The following ACAD9 variants were observed in gnomAD, a reference collection of about 807,000 sequenced individuals.
ACAD9 encodes complex I assembly factor ACAD9, mitochondrial.
A neutral mutation model predicts 70.2 loss-of-function variants in ACAD9; 53 were observed. The ratio of observed to expected loss-of-function variants is 0.75; its 90% CI spans 0.61 to 0.95. The LOEUF (loss-of-function observed/expected upper bound fraction) is 0.95, where lower values mean the gene tolerates loss of function less well. ACAD9 is among the 40% of genes least tolerant of loss of function. The probability of loss-of-function intolerance (pLI) is 0.00; values close to 1 mark genes in which losing one functional copy is unlikely to be tolerated. For missense variants in ACAD9, 777 were observed against 802.8 expected (o/e 0.97, Z 0.39); for synonymous variants, 313 against 312.1 (o/e 1.00, Z -0.03).
At chr3:128,887,634 A>AAATAAAT (rs1559819571) in intron 2 of ACAD9, among the ~76,000 whole-genome samples, 1 of 134,314 alleles carries the variant, frequency 7.4e-6, no homozygotes, top group African/African-American at 2.9e-5. Flanking sequence ...TAAAAATAAA[A>AAATAAAT]AAATAAATAA....
intron 6 of ACAD9, among the ~76,000 whole-genome samples, chr3:128,898,972 T>G (rs1935650443): frequency 6.6e-6 from 1 of 152,240 alleles, no homozygotes; most frequent in Non-Finnish European, 1.5e-5. Flanking sequence ...TAAGAAATGA[T>G]TAAACCCTTT....
At chr3:128,894,524 G>A (rs1011914584) in intron 3 of ACAD9, among the ~76,000 whole-genome samples, 3 of 150,400 alleles carry the variant, frequency 2.0e-5, no homozygotes, top group African/African-American at 7.3e-5. Context: ...TGAGGCACAA[G>A]ATTGCGAGCT....
At chr3:128,883,365 T>G (rs1160949772) in intron 1 of ACAD9, among the ~76,000 whole-genome samples, 1 of 151,906 alleles carries the variant, frequency 6.6e-6, no homozygotes, top group Non-Finnish European at 1.5e-5. Context: ...TTCTTTTTCT[T>G]TTCTTTTTTT....
chr3:128,882,491 G>A (rs1935123838), intron 1 of ACAD9, among the ~76,000 whole-genome samples: 1 of 152,202 alleles, frequency 6.6e-6, no homozygotes, highest in Non-Finnish European at 1.5e-5. Flanking sequence ...TCAGGCCAGT[G>A]TCATCTCTCA....
rs372219669 is a variant in ACAD9 at position 128,901,215 on chromosome 3, G to A, written c.809-61G>A. On this transcript the variant is annotated intron_variant, in intron 7 of 17. Transcript: ENST00000308982. ...GGATGGATGGATGAATTGCCTGCTT[G>A]CAGGTCAGATGCAGAGTGGTTTGCA... is the stretch of plus-strand genomic sequence containing the variant. 7 of 1,480,318 alleles carry A rather than the reference G, an allele frequency of 4.7e-6. No individual in the cohort carries two copies. In the East Asian group the frequency reaches 9.1e-5, roughly 19 times the overall value. 91.7% of individuals were successfully genotyped at this position (1,480,318 alleles called of 1,614,324 possible).
chr3:128,892,071 TA>T (rs1437480386), intron 2 of ACAD9, among the ~76,000 whole-genome samples: 2 of 152,214 alleles, frequency 1.3e-5, no homozygotes, highest in Non-Finnish European at 1.5e-5. Context: ...TTCATTTATA[TA>T]AAACTTGAAG....
chr3:128,912,904 C>T lies in ACAD9; in HGVS notation c.*297C>T, dbSNP rs1200091367. On this transcript the variant is annotated 3_prime_UTR_variant, in exon 18 of 18. Transcript: ENST00000308982. ...CATTGAGGAGACACCATAGTGGAAACTGGGGCTTATGCTGCTGCCTCCAGG... is the reference window on the plus strand; with the variant it reads ...CATTGAGGAGACACCATAGTGGAAATTGGGGCTTATGCTGCTGCCTCCAGG... 2 of 570,020 alleles carry T rather than the reference C, an allele frequency of 3.5e-6. No individual in the cohort carries two copies. Among genetic ancestry groups the T allele is most frequent in the South Asian group, 1.4e-5 (1 of 71,130 alleles). The allele number at this position is 570,020 out of a possible 1,614,324, so 35.3% of individuals were successfully genotyped here.
chr3:128,906,077 C>A, intron 11 of ACAD9, 44 bp from the exon 12 acceptor site: 1 of 1,613,742 alleles, frequency 6.2e-7, no homozygotes, highest in Non-Finnish European at 8.5e-7. Flanking sequence ...CTCCCTGCAG[C>A]GTAGGTCCTC....
chr3:128,881,113 AT>A (rs1935079536), intron 1 of ACAD9, among the ~76,000 whole-genome samples: 1 of 152,216 alleles, frequency 6.6e-6, no homozygotes, highest in Non-Finnish European at 1.5e-5. Context: ...AACTTTACAG[AT>A]GAAGAAGCTA....
intron 13 of ACAD9, chr3:128,908,634 C>T: frequency 1.9e-6 from 1 of 536,594 alleles, no homozygotes; most frequent in Non-Finnish European, 3.4e-6. Context: ...TCCCCTCATG[C>T]TCCCCTCCAC....
In ACAD9 at chr3:128,912,753, C is replaced by T; in HGVS notation, c.*146C>T. 1.3e-6 allele frequency: 1 copy of T among 799,222 alleles called. No homozygotes were observed. Among genetic ancestry groups the T allele is most frequent in the Non-Finnish European group, 2.2e-6 (1 of 452,380 alleles). The allele number at this position is 799,222 out of a possible 1,614,324, so 49.5% of individuals were successfully genotyped here. A position where few individuals can be genotyped will look rare whatever the true frequency, so the allele number is the denominator to read the frequency against. The stretch of plus-strand genomic sequence containing the variant: ...TGCACCTGAAGGGTTGTCGCCTGGC[C>T]TGGGAGAGCCTCTTCCAGGTTTTGA... On this transcript the variant is annotated 3_prime_UTR_variant, in exon 18 of 18. Transcript: ENST00000308982.
In ACAD9 at chr3:128,908,965, T is replaced by G; in HGVS notation, c.1359-8T>G. The G allele has an allele frequency of 6.2e-7, 1 of 1,614,062 alleles. No homozygotes were observed. The highest frequency in any genetic ancestry group is 8.5e-7 in the Non-Finnish European group (1 of 1,180,010). ...GCCTCCAGTCACAGGACCATGGACT[T>G]TCTGCAGTGAGCTTAAACAGGCCAA... On this transcript the variant is annotated splice_region_variant and splice_polypyrimidine_tract_variant and intron_variant, in intron 13 of 17. Coordinates refer to ENST00000308982, the MANE Select transcript of ACAD9 (RefSeq NM_014049.5).
intron 7 of ACAD9, among the ~76,000 whole-genome samples, chr3:128,900,125 T>C (rs1247369647): frequency 6.6e-6 from 1 of 152,032 alleles, no homozygotes; most frequent in Non-Finnish European, 1.5e-5. Flanking sequence ...AGAGATGGGG[T>C]TTCAACATGT....
At chr3:128,892,547 T>C (rs1360641029) in intron 2 of ACAD9, among the ~76,000 whole-genome samples, 3 of 152,242 alleles carry the variant, frequency 2.0e-5, no homozygotes, top group Admixed American at 2.0e-4. Flanking sequence ...ATTTTTATTT[T>C]AGAGATGAGA....
intron 1 of ACAD9, among the ~76,000 whole-genome samples, chr3:128,883,494 A>G (rs1935156031): frequency 6.6e-6 from 1 of 151,530 alleles, no homozygotes; most frequent in African/African-American, 2.4e-5. Context: ...AGTAGCTGGG[A>G]TTACAGGCGC....
chr3:128,881,500 C>A (rs1935093096), intron 1 of ACAD9, among the ~76,000 whole-genome samples: 1 of 152,208 alleles, frequency 6.6e-6, no homozygotes, highest in Non-Finnish European at 1.5e-5. Flanking sequence ...TCATTAGACT[C>A]CAGGTCTTCT....
chr3:128,884,786 A>G (rs762959806), intron 2 of ACAD9, 40 bp downstream of exon 2: 3 of 1,422,176 alleles, frequency 2.1e-6, no homozygotes, highest in African/African-American at 1.4e-5. Flanking sequence ...TTTCCATTGT[A>G]AGGGCTATTT....
chr3:128,900,348 C>T (rs1211821385), intron 7 of ACAD9, among the ~76,000 whole-genome samples: 2 of 152,182 alleles, frequency 1.3e-5, no homozygotes, highest in Non-Finnish European at 2.9e-5. Context: ...CGCCATTCTC[C>T]TGCCTCAGCC....
chr3:128,883,306 G>C (rs1478074780), intron 1 of ACAD9, among the ~76,000 whole-genome samples: 1 of 151,784 alleles, frequency 6.6e-6, no homozygotes, highest in Non-Finnish European at 1.5e-5. Context: ...GCTTCCCAAA[G>C]GACTAGGATT....
Sources: allele counts gnomAD v4.1 joint callset (sites outside exome capture counted in the v4.1 genomes callset), GRCh38; gene constraint gnomAD v4.1.1; transcripts MANE v1.5; gene names NCBI Gene and HGNC (gene_info 2026-07-23, HGNC 2026-07-21).